RBL1: variants seen among roughly 807,000 people sequenced by gnomAD.
The protein encoded by RBL1 is RB transcriptional corepressor like 1.
In RBL1, 82 loss-of-function variants were observed where a neutral mutation model predicts 123.0. The ratio of observed to expected loss-of-function variants is 0.67; its 90% confidence interval spans 0.56 to 0.80. The LOEUF (loss-of-function observed/expected upper bound fraction) is 0.80. Ranked by LOEUF, RBL1 falls within the 30% of genes least tolerant of loss-of-function variation. RBL1 has a pLI of 0.00. For missense variants in RBL1, 1,171 were observed against 1,299.6 expected, an observed-to-expected ratio of 0.90 and a Z score of 1.52; for synonymous variants, 405 against 441.3, an observed-to-expected ratio of 0.92 and a Z score of 1.03.
rs777101140 is a variant in RBL1, at chr20:37,032,861, G to A, written c.2186C>T (p.Ala729Val). The A allele has an allele frequency of 1.2e-6, 2 of 1,613,868 alleles. No homozygotes were observed. The highest frequency in any genetic ancestry group is 4.5e-5 in the East Asian group (2 of 44,834). Residue 729 changes from alanine to valine, a missense_variant, in exon 16 of 22, where the codon GCT (alanine) becomes GTT (valine). By Grantham distance (64) the Ala-to-Val change is moderately conservative. Coordinates refer to ENST00000373664, the MANE Select transcript of RBL1 (RefSeq NM_002895.5). The stretch of plus-strand genomic sequence containing the variant: ...AAGAGGTATCAGTGTGATCTCTCCA[G>A]CATCATTTGCGACACCTGAATGTAT... ...TIPLHGVAND[A>V]GEITLIPLSM...
At chr20:37,093,145 T>C (rs1177872188) in intron 1 of RBL1, among the ~76,000 whole-genome samples, 1 of 152,120 alleles carries the variant, frequency 6.6e-6, no homozygotes, top group East Asian at 1.9e-4. Flanking sequence ...GGAGACAAAA[T>C]TTGTAAATCA....
At chr20:37,092,254 A>C (rs1016314325) in intron 1 of RBL1, among the ~76,000 whole-genome samples, 2 of 152,166 alleles carry the variant, frequency 1.3e-5, no homozygotes, top group Non-Finnish European at 2.9e-5. Flanking sequence ...CAGGCTACTA[A>C]ATGAAAATTC....
chr20:37,003,972 G>A, intron 20 of RBL1, 106 bp from the exon 21 acceptor site: 2 of 924,792 alleles, frequency 2.2e-6, no homozygotes, highest in Non-Finnish European at 2.9e-6. Flanking sequence ...CAGTTATACT[G>A]TAAAAAGCTC....
chr20:37,000,361 G>A (rs1239267137), intron 21 of RBL1, among the ~76,000 whole-genome samples: 1 of 148,772 alleles, frequency 6.7e-6, no homozygotes. Context: ...CCGTCCAGAA[G>A]GGAGGTGGGG....
At chr20:37,054,797 T>A (rs1390284127) in intron 11 of RBL1, among the ~76,000 whole-genome samples, 2 of 151,876 alleles carry the variant, frequency 1.3e-5, no homozygotes, top group Non-Finnish European at 1.5e-5. Context: ...GCCACTGCAC[T>A]CCAGCCTGGG....
At chr20:37,031,905 CTTTTTTTTTTT>C (rs763127111) in intron 16 of RBL1, among the ~76,000 whole-genome samples, 1 of 130,020 alleles carries the variant, frequency 7.7e-6, no homozygotes, top group Non-Finnish European at 1.6e-5. Context: ...TACCTGGCTG[CTTTTTTTTTTT>C]TTTTTTTTTA....
intron 9 of RBL1, among the ~76,000 whole-genome samples, chr20:37,057,982 G>A (rs745582893): frequency 2.2e-4 from 33 of 151,768 alleles, no homozygotes; most frequent in Non-Finnish European, 4.0e-4. Flanking sequence ...AAAATTAGCC[G>A]GGCGTGGTGG....
At chr20:37,072,146 A>T (rs1200907250) in intron 2 of RBL1, among the ~76,000 whole-genome samples, 8 of 152,134 alleles carry the variant, frequency 5.3e-5, no homozygotes, top group Admixed American at 2.0e-4. Flanking sequence ...CTTACAAAAA[A>T]TTATGCTCCC....
At chr20:37,038,639 G>C (rs1443289557) in intron 14 of RBL1, among the ~76,000 whole-genome samples, 1 of 124,302 alleles carries the variant, frequency 8.0e-6, no homozygotes, top group Non-Finnish European at 1.6e-5. Flanking sequence ...GTCTCGCTCT[G>C]TCCGCCAGGC....
intron 19 of RBL1, among the ~76,000 whole-genome samples, chr20:37,013,869 T>C (rs182178800): frequency 3.9e-5 from 6 of 152,268 alleles, no homozygotes; most frequent in Non-Finnish European, 8.8e-5. Flanking sequence ...ACTTACTGCA[T>C]AGGATATATA....
Position 37,042,140 on chromosome 20 carries a change from T to G in RBL1, c.1771-1855A>C, listed in dbSNP as rs529381728. On this transcript the variant is annotated intron_variant, in intron 13 of 21. Coordinates refer to ENST00000373664, the MANE Select transcript of RBL1 (RefSeq NM_002895.5). ...AATGGGAGAAACATTTTGCAAATCATTTATCTGATAAGGGATTTGTATCTA... is the reference window on the plus strand; with the variant it reads ...AATGGGAGAAACATTTTGCAAATCAGTTATCTGATAAGGGATTTGTATCTA... Among the ~76,000 whole-genome samples the G allele has an allele frequency of 2.7e-5, 4 of 150,422 alleles. No individual in the cohort carries two copies. In the East Asian group the frequency reaches 7.8e-4, roughly 29 times the overall value.
rs1256871744 is a variant in RBL1, at chr20:37,083,911, A to ATT, written c.290+5076_290+5077dup. On this transcript the variant is annotated intron_variant, in intron 2 of 21. Coordinates refer to ENST00000373664, the MANE Select transcript of RBL1 (RefSeq NM_002895.5). The stretch of plus-strand genomic sequence containing the variant: ...ATAAGTTTGTAATTATTTTTAATGG[A>ATT]TTTTTTTTTTTTTTTGAGAGTGGGT... 5.6e-4 allele frequency among the ~76,000 whole-genome samples: 80 copies of ATT among 141,650 alleles called. 1 individual carries two copies. Among genetic ancestry groups the ATT allele is most frequent in the African/African-American group, 1.8e-3 (69 of 38,780 alleles). 92.9% of individuals were successfully genotyped at this position (141,650 alleles called of 152,430 possible).
intron 2 of RBL1, among the ~76,000 whole-genome samples, chr20:37,075,277 T>C (rs1035097102): frequency 5.9e-5 from 9 of 152,108 alleles, no homozygotes; most frequent in African/African-American, 2.2e-4. Flanking sequence ...CTAAAATGGA[T>C]TGTGGTGGTG....
intron 9 of RBL1, among the ~76,000 whole-genome samples, chr20:37,060,172 C>CT: frequency 7.8e-6 from 1 of 127,396 alleles, no homozygotes; most frequent in African/African-American, 3.2e-5. Flanking sequence ...AACTCTGTCT[C>CT]AAAATAAATA....
At chr20:37,067,784 A>C (rs80001892) in intron 3 of RBL1, among the ~76,000 whole-genome samples, 2 of 151,184 alleles carry the variant, frequency 1.3e-5, no homozygotes, top group Admixed American at 6.6e-5. Context: ...AAAAAAAAAA[A>C]AAAAAAACAA....
chr20:37,072,822 G>T (rs1315104024), intron 2 of RBL1, among the ~76,000 whole-genome samples: 1 of 152,158 alleles, frequency 6.6e-6, no homozygotes, highest in Non-Finnish European at 1.5e-5. Flanking sequence ...TGGATTCTGT[G>T]ATATGCTCTT....
At chr20:37,033,155 A>G (rs2064542248) in intron 15 of RBL1, among the ~76,000 whole-genome samples, 1 of 149,942 alleles carries the variant, frequency 6.7e-6, no homozygotes, top group Non-Finnish European at 1.5e-5. Context: ...AATAGCTGAG[A>G]CTACAGGTGC....
intron 1 of RBL1, among the ~76,000 whole-genome samples, chr20:37,092,546 G>T (rs1309756867): frequency 6.6e-6 from 1 of 152,126 alleles, no homozygotes; most frequent in Non-Finnish European, 1.5e-5. Context: ...TTTTTGTAGA[G>T]ATGGGGTTTC....
At chr20:37,023,399 A>G (rs1416042959) in intron 16 of RBL1, among the ~76,000 whole-genome samples, 1 of 152,212 alleles carries the variant, frequency 6.6e-6, no homozygotes, top group Admixed American at 6.5e-5. Context: ...CTGGGATTAC[A>G]GGTGTGAGCC....
Sources: allele counts gnomAD v4.1 joint callset (sites outside exome capture counted in the v4.1 genomes callset), GRCh38; gene constraint gnomAD v4.1.1; transcripts MANE v1.5; gene names NCBI Gene and HGNC (gene_info 2026-07-23, HGNC 2026-07-21).